GOSR2: variants seen among roughly 807,000 people sequenced by gnomAD.
The protein encoded by GOSR2 is golgi SNAP receptor complex member 2.
In GOSR2, 20 loss-of-function variants were observed where a neutral mutation model predicts 27.9. That is an observed-to-expected ratio of 0.72 (90% CI 0.50 to 1.04). The LOEUF is 1.04. Among genes scored for constraint, GOSR2 ranks in the 50% least tolerant of loss-of-function variants. The pLI, the probability that GOSR2 is intolerant of heterozygous loss-of-function variation, is 0.00. For missense variants in GOSR2, 261 were observed against 270.5 expected (o/e 0.97, Z 0.25); for synonymous variants, 91 against 98.8 (o/e 0.92, Z 0.47).
intron 5 of GOSR2, chr17:46,937,823 G>T (rs1389116857): frequency 6.6e-6 from 1 of 152,370 alleles, no homozygotes; most frequent in Non-Finnish European, 1.5e-5. Flanking sequence ...ACCATAGTTT[G>T]TTCATTCATC....
At chr17:46,927,620 A>G (rs893633219) in intron 1 of GOSR2, among the ~76,000 whole-genome samples, 1 of 152,170 alleles carries the variant, frequency 6.6e-6, no homozygotes, top group Non-Finnish European at 1.5e-5. Context: ...AGCTGTTGGC[A>G]TTTATTGTAG....
chr17:46,971,694 C>T (rs868549446), downstream of GOSR2, among the ~76,000 whole-genome samples: 1 of 152,334 alleles, frequency 6.6e-6, no homozygotes. Context: ...AAGCGACTTT[C>T]TCTGATGACT....
chr17:46,971,125 G>A (rs1198044992), downstream of GOSR2, among the ~76,000 whole-genome samples: 1 of 152,108 alleles, frequency 6.6e-6, no homozygotes, highest in African/African-American at 2.4e-5. Context: ...ATCATTTGAG[G>A]TCAGGAGTTT....
At position 46,940,814 on chromosome 17, in the gene GOSR2, C is replaced by G; in HGVS notation, c.*2054C>G. 6.8e-7 allele frequency: 1 copy of G among 1,473,218 alleles called. No homozygotes were observed. The highest frequency in any genetic ancestry group is 9.0e-7 in the Non-Finnish European group (1 of 1,113,974). 91.3% of individuals were successfully genotyped at this position (1,473,218 alleles called of 1,614,324 possible). ...GAGGTGGTTTTTGGGTCTTTACCAC[C>G]TGCGGCTGGTGGACAGCAGCCAGTG... On this transcript the variant is annotated 3_prime_UTR_variant, in exon 6 of 6. Coordinates refer to ENST00000640051, the MANE Select transcript of GOSR2 (RefSeq NM_004287.5).
downstream of GOSR2, among the ~76,000 whole-genome samples, chr17:46,967,263 T>G (rs182695745): frequency 6.6e-6 from 1 of 152,358 alleles, no homozygotes; most frequent in African/African-American, 2.4e-5. Context: ...CTCTGCCACT[T>G]ATTGGCTGCA....
rs531604543 is a variant in GOSR2, at chr17:46,931,609, A to G, written c.203+402A>G. ...CCACCCATAATGAAATGCTGATCTA[A>G]TGTTTGATACTCCAGCATGAAATTA... On this transcript the variant is annotated intron_variant, in intron 3 of 5. Coordinates refer to ENST00000640051, the MANE Select transcript of GOSR2 (RefSeq NM_004287.5). The G allele has an allele frequency of 1.7e-5, 5 of 296,372 alleles. No homozygotes were observed. In the South Asian group the frequency reaches 2.1e-4, roughly 12 times the overall value. The allele number at this position is 296,372 out of a possible 1,614,324, so 18.4% of individuals were successfully genotyped here. A position where few individuals can be genotyped will look rare whatever the true frequency, so the allele number is the denominator to read the frequency against.
chr17:46,957,037 G>A (rs1040438095), intron 6 of GOSR2, among the ~76,000 whole-genome samples: 3 of 152,184 alleles, frequency 2.0e-5, no homozygotes, highest in African/African-American at 7.2e-5. Context: ...AGCTGGGTAC[G>A]GTGGCTCACA....
chr17:46,929,416 C>T (rs1415597086), intron 1 of GOSR2, 104 bp from the exon 2 acceptor site: 5 of 741,456 alleles, frequency 6.7e-6, no homozygotes, highest in African/African-American at 3.4e-5. Flanking sequence ...GTGATGCTGT[C>T]GATTTAAATC....
intron 2 of GOSR2, 57 bp downstream of exon 2, chr17:46,929,641 G>A (rs2087010480): frequency 6.8e-6 from 6 of 881,312 alleles, no homozygotes; most frequent in Admixed American, 5.1e-5. Flanking sequence ...GTGCTAATGG[G>A]CTGGGCTTCC....
chr17:46,970,790 TG>T (rs2091384486), downstream of GOSR2, among the ~76,000 whole-genome samples: 1 of 152,218 alleles, frequency 6.6e-6, no homozygotes, highest in African/African-American at 2.4e-5. Context: ...GGATGGCTTA[TG>T]TGGATATTAG....
chr17:46,968,383 A>G (rs2091357218), downstream of GOSR2, among the ~76,000 whole-genome samples: 1 of 152,128 alleles, frequency 6.6e-6, no homozygotes, highest in Admixed American at 6.5e-5. Flanking sequence ...CTCTGCCCCA[A>G]CCCACTGAAT....
intron 6 of GOSR2, among the ~76,000 whole-genome samples, chr17:46,958,162 G>C (rs964031517): frequency 2.6e-5 from 4 of 152,202 alleles, no homozygotes; most frequent in Non-Finnish European, 5.9e-5. Flanking sequence ...CCTCAGAGGA[G>C]CTGGGAATGG....
downstream of GOSR2, among the ~76,000 whole-genome samples, chr17:46,970,632 C>T (rs1009847955): frequency 6.6e-6 from 1 of 151,404 alleles, no homozygotes; most frequent in African/African-American, 2.4e-5. Context: ...TGAGCTTTTG[C>T]ATCAAAGCCT....
In GOSR2 at chr17:46,940,556, C is replaced by A; in HGVS notation, c.*1796C>A. 3 of 1,614,158 alleles carry A rather than the reference C, an allele frequency of 1.9e-6. 1 individual carries two copies. In the South Asian group the frequency reaches 3.3e-5, roughly 18 times the overall value. On this transcript the variant is annotated 3_prime_UTR_variant, in exon 6 of 6. Coordinates refer to ENST00000640051, the MANE Select transcript of GOSR2 (RefSeq NM_004287.5). ...CGGCAAGGCTGTCCTGTCCCCCAGG[C>A]ACCCAAGGATCCTGCCAGACAGCAC...
At chr17:46,973,329 T>A (rs1465662522) in intron 6 of GOSR2, among the ~76,000 whole-genome samples, 1 of 151,956 alleles carries the variant, frequency 6.6e-6, no homozygotes, top group Non-Finnish European at 1.5e-5. Context: ...TTCTTTTCTT[T>A]TTTCTTTTTT....
chr17:46,937,670 T>A (rs1304247443), intron 5 of GOSR2: 1 of 152,230 alleles, frequency 6.6e-6, no homozygotes, highest in Non-Finnish European at 1.5e-5. Context: ...GAACTTCATA[T>A]AAAGGTATTC....
intron 1 of GOSR2, chr17:46,923,923 G>A (rs1568157716): frequency 2.5e-6 from 1 of 398,336 alleles, no homozygotes; most frequent in Non-Finnish European, 4.4e-6. Flanking sequence ...GCAGAATTAT[G>A]ATTTTTACCC....
rs545550833 is a variant in GOSR2, at chr17:46,951,333, A to G, written c.583+12629A>G. ...CCATTGGACCAGAGCTCATCCACCC[A>G]GAGCCCATTTCCATGACAACAGCAA... On this transcript the variant is annotated intron_variant, in intron 6 of 6. Transcript: ENST00000573224. Among the ~76,000 whole-genome samples the G allele has an allele frequency of 2.6e-5, 4 of 152,296 alleles. No homozygotes were observed. In the South Asian group the frequency reaches 8.3e-4, roughly 32 times the overall value.
chr17:46,934,860 A>C (rs1018523791), intron 4 of GOSR2, among the ~76,000 whole-genome samples, 169 bp from the exon 5 acceptor site: 2 of 152,254 alleles, frequency 1.3e-5, no homozygotes, highest in African/African-American at 4.8e-5. Flanking sequence ...GTGTGGACAG[A>C]GGCCACCCCA....
Sources: allele counts gnomAD v4.1 joint callset (sites outside exome capture counted in the v4.1 genomes callset), GRCh38; gene constraint gnomAD v4.1.1; transcripts MANE v1.5; gene names NCBI Gene and HGNC (gene_info 2026-07-23, HGNC 2026-07-21).